The following TCF4 variants were observed in gnomAD, a reference collection of about 807,000 sequenced individuals.
TCF4 encodes the protein SL3-3 enhancer factor 2.
TCF4 carries 3 observed loss-of-function variants against 82.1 expected under a neutral mutation model. The ratio of observed to expected loss-of-function variants is 0.04; its 90% CI spans 0.02 to 0.09. TCF4 has a LOEUF of 0.09. Ranked by LOEUF, TCF4 falls within the 10% of genes least tolerant of loss-of-function variation. The pLI is 1.00. For missense variants in TCF4, 518 were observed against 852.7 expected, an observed-to-expected ratio of 0.61 and a Z score of 4.89; for synonymous variants, 276 against 309.6, an observed-to-expected ratio of 0.89 and a Z score of 1.14.
intron 8 of TCF4, among the ~76,000 whole-genome samples, chr18:55,341,991 G>C (rs1007320614): frequency 6.6e-6 from 1 of 152,092 alleles, no homozygotes; most frequent in Non-Finnish European, 1.5e-5. Context: ...ATACATAGAA[G>C]AAAAAGACAT....
At chr18:55,455,179 C>CAAAAAAA (rs35889370) in intron 5 of TCF4, among the ~76,000 whole-genome samples, 18 of 67,466 alleles carry the variant, frequency 2.7e-4, no homozygotes, top group South Asian at 6.7e-4. Flanking sequence ...GACTCTGTCT[C>CAAAAAAA]AAAAAAAAAA....
At chr18:55,494,386 A>T (rs1371713025) in intron 3 of TCF4, among the ~76,000 whole-genome samples, 1 of 152,008 alleles carries the variant, frequency 6.6e-6, no homozygotes, top group Non-Finnish European at 1.5e-5. Flanking sequence ...GAATAAAGGG[A>T]CTTCTCAGCT....
chr18:55,323,681 C>T (rs2147566221), intron 8 of TCF4, among the ~76,000 whole-genome samples: 1 of 152,274 alleles, frequency 6.6e-6, no homozygotes, highest in Admixed American at 6.5e-5. Context: ...TTTAAACCAC[C>T]CTCACTGCTT....
At chr18:55,296,533 G>A (rs1204578312) in intron 8 of TCF4, among the ~76,000 whole-genome samples, 2 of 152,132 alleles carry the variant, frequency 1.3e-5, no homozygotes, top group South Asian at 2.1e-4. Context: ...AAGAGAGGGC[G>A]TCCTTCATCT....
intron 10 of TCF4, among the ~76,000 whole-genome samples, chr18:55,275,068 A>C (rs954150729): frequency 1.1e-4 from 16 of 152,048 alleles, no homozygotes; most frequent in African/African-American, 3.6e-4. Context: ...AATACTGAAA[A>C]ATGGGAATCT....
At chr18:55,475,445 C>A (rs1324505965) in intron 3 of TCF4, among the ~76,000 whole-genome samples, 1 of 152,164 alleles carries the variant, frequency 6.6e-6, no homozygotes, top group South Asian at 2.1e-4. Context: ...TTTTGATCAC[C>A]TGGTCAAAGT....
chr18:55,527,790 C>A (rs2097005330), intron 3 of TCF4, among the ~76,000 whole-genome samples: 1 of 151,756 alleles, frequency 6.6e-6, no homozygotes, highest in South Asian at 2.1e-4. Context: ...TTTTCAATTG[C>A]CAAGATAAAA....
intron 3 of TCF4, among the ~76,000 whole-genome samples, chr18:55,564,150 T>G (rs1346950493): frequency 6.6e-6 from 1 of 152,222 alleles, no homozygotes; most frequent in African/African-American, 2.4e-5. Flanking sequence ...AGATGTGTTC[T>G]ACTGCATGTG....
chr18:55,489,328 A>C lies in TCF4; in HGVS notation c.146-25191T>G, dbSNP rs76374442. ...CCTCTGCCCACCCCTTGACCTCCCC[A>C]CATACTGTCTGATGGCAGGAAGTGA... On this transcript the variant is annotated intron_variant, in intron 3 of 19. Coordinates refer to ENST00000354452, the MANE Select transcript of TCF4 (RefSeq NM_001083962.2). Among the ~76,000 whole-genome samples, 486 of 152,174 alleles carry C rather than the reference A, an allele frequency of 3.2e-3. 2 individuals carry two copies. Among genetic ancestry groups the C allele is most frequent in the African/African-American group, 0.01 (434 of 41,520 alleles).
chr18:55,555,867 T>A (rs2097299177), intron 3 of TCF4, among the ~76,000 whole-genome samples: 1 of 152,226 alleles, frequency 6.6e-6, no homozygotes, highest in South Asian at 2.1e-4. Flanking sequence ...ATTAATGGAC[T>A]GCCTGTGAGA....
chr18:55,614,141 C>T (rs1015484369), intron 2 of TCF4, among the ~76,000 whole-genome samples: 14 of 152,260 alleles, frequency 9.2e-5, no homozygotes, highest in African/African-American at 2.6e-4. Context: ...GTGAGCCTCC[C>T]GCCTTAGCCT....
chr18:55,555,140 T>G (rs1481178810), intron 3 of TCF4, among the ~76,000 whole-genome samples: 2 of 152,330 alleles, frequency 1.3e-5, no homozygotes, highest in East Asian at 3.9e-4. Flanking sequence ...CATTGAACTC[T>G]GGAGGCAAGT....
intron 8 of TCF4, among the ~76,000 whole-genome samples, chr18:55,304,074 A>G (rs1424430677): frequency 6.6e-6 from 1 of 152,200 alleles, no homozygotes; most frequent in African/African-American, 2.4e-5. Flanking sequence ...GGATATTAGC[A>G]TAAAGGAAAT....
At chr18:55,322,443 A>C (rs1414064789) in intron 8 of TCF4, 13 of 1,008,742 alleles carry the variant, frequency 1.3e-5, no homozygotes, top group East Asian at 1.4e-4. Flanking sequence ...AAAAAAAAAA[A>C]AAAAAAACAC....
At chr18:55,456,373 A>C (rs753191654) in intron 5 of TCF4, among the ~76,000 whole-genome samples, 16 of 152,222 alleles carry the variant, frequency 1.1e-4, no homozygotes, top group Non-Finnish European at 2.1e-4. Context: ...TAGGACTAGA[A>C]CCAAATACCA....
chr18:55,327,131 A>G (rs535962319), intron 8 of TCF4, among the ~76,000 whole-genome samples: 21 of 152,194 alleles, frequency 1.4e-4, no homozygotes, highest in Admixed American at 5.9e-4. Flanking sequence ...ACTATGAAAT[A>G]ACTGTTTTCT....
intron 9 of TCF4, among the ~76,000 whole-genome samples, chr18:55,277,951 G>A (rs756160501): frequency 1.3e-5 from 2 of 152,084 alleles, no homozygotes; most frequent in South Asian, 2.1e-4. Context: ...GGCACAAAAC[G>A]CACCCAGGTG....
At chr18:55,353,688 T>C (rs960424075) in intron 6 of TCF4, among the ~76,000 whole-genome samples, 4 of 152,190 alleles carry the variant, frequency 2.6e-5, no homozygotes, top group Admixed American at 2.6e-4. Flanking sequence ...TAACTCTCTG[T>C]AGCAATGAGA....
At chr18:55,421,677 C>A (rs143116914) in intron 5 of TCF4, among the ~76,000 whole-genome samples, 1 of 152,272 alleles carries the variant, frequency 6.6e-6, no homozygotes, top group East Asian at 1.9e-4. Flanking sequence ...ACATCTGCCT[C>A]AGCAAAAAGA....
Sources: allele counts gnomAD v4.1 joint callset (sites outside exome capture counted in the v4.1 genomes callset), GRCh38; gene constraint gnomAD v4.1.1; transcripts MANE v1.5; gene names NCBI Gene and HGNC (gene_info 2026-07-23, HGNC 2026-07-21).